SH3PXD2A: variants seen among roughly 807,000 people sequenced by gnomAD.
SH3PXD2A encodes SH3 and PX domain-containing protein 2A.
SH3PXD2A carries 32 observed loss-of-function variants against 115.2 expected under a neutral mutation model. The observed-to-expected ratio is 0.28, with a 90% CI of 0.21 to 0.37. SH3PXD2A has a LOEUF of 0.37. Ranked by LOEUF, SH3PXD2A falls within the 10% of genes least tolerant of loss-of-function variation. SH3PXD2A has a pLI of 1.00. For missense variants in SH3PXD2A, 1,328 were observed against 1,498.7 expected, an observed-to-expected ratio of 0.89 and a Z score of 1.88; for synonymous variants, 610 against 629.1, an observed-to-expected ratio of 0.97 and a Z score of 0.45.
At chr10:103,694,373 C>G (rs1343668291) in intron 5 of SH3PXD2A, among the ~76,000 whole-genome samples, 1 of 152,138 alleles carries the variant, frequency 6.6e-6, no homozygotes, top group Non-Finnish European at 1.5e-5. Flanking sequence ...CATGGAGGCT[C>G]CCCAAGATTC....
At chr10:103,819,783 G>A (rs149995222) in intron 1 of SH3PXD2A, among the ~76,000 whole-genome samples, 1 of 152,174 alleles carries the variant, frequency 6.6e-6, no homozygotes, top group Non-Finnish European at 1.5e-5. Context: ...GATGAAGCAG[G>A]CTTGGCAATG....
At chr10:103,651,966 C>T (rs551532731) in intron 8 of SH3PXD2A, among the ~76,000 whole-genome samples, 11 of 152,338 alleles carry the variant, frequency 7.2e-5, no homozygotes, top group African/African-American at 2.4e-4. Context: ...GATCTGCTAT[C>T]GCACACCAGT....
chr10:103,645,234 G>T (rs543467317), intron 8 of SH3PXD2A, among the ~76,000 whole-genome samples: 1 of 152,208 alleles, frequency 6.6e-6, no homozygotes, highest in Admixed American at 6.5e-5. Context: ...CTGAAGCCCA[G>T]CTCCTGGGGC....
In SH3PXD2A at chr10:103,625,149, G is replaced by A. The variant is rs147855171; in HGVS notation, c.718+1940C>T. Among the ~76,000 whole-genome samples the A allele has an allele frequency of 8.7e-4, 132 of 152,250 alleles. 1 individual carries two copies. The highest frequency in any genetic ancestry group is 3.0e-3 in the African/African-American group (126 of 41,522). On this transcript the variant is annotated intron_variant, in intron 9 of 14. Transcript: ENST00000369774. ...CAACCCACTACTACTTGTTCTGTGC[G>A]CAAAGCACCTGCCTTCTGTTCCAAC...
Position 103,602,582 on chromosome 10 carries a change from T to C in SH3PXD2A, c.2636A>G (p.Tyr879Cys). The C allele has an allele frequency of 6.2e-7, 1 of 1,614,140 alleles. No individual in the cohort carries two copies. The highest frequency in any genetic ancestry group is 8.5e-7 in the Non-Finnish European group (1 of 1,180,024). Residue 879 changes from tyrosine (Y) to cysteine (C), a missense_variant, in exon 15 of 15, where the codon TAT becomes TGT. By Grantham distance (194) the Tyr-to-Cys change is radical. This residue lies in a region of SH3PXD2A where 574 missense variants were observed against 565.7 expected (regional missense o/e 1.01). Transcript: ENST00000369774. ...GCCCTCCAGCTCCCCAAACCTCACATACCACCACCCGCTCTCCTGCTTCTC... is the reference window on the plus strand; with the variant it reads ...GCCCTCCAGCTCCCCAAACCTCACACACCACCACCCGCTCTCCTGCTTCTC... ...VLEKQESGWW[Y>C]VRFGELEGWA...
chr10:103,643,444 T>TGCTA (rs2036984811), intron 8 of SH3PXD2A, among the ~76,000 whole-genome samples: 1 of 152,234 alleles, frequency 6.6e-6, no homozygotes, highest in South Asian at 2.1e-4. Flanking sequence ...CATTTTCCTA[T>TGCTA]GCTACAGTGG....
chr10:103,725,028 T>C (rs1182543566), intron 4 of SH3PXD2A, among the ~76,000 whole-genome samples: 1 of 152,214 alleles, frequency 6.6e-6, no homozygotes, highest in Non-Finnish European at 1.5e-5. Flanking sequence ...CATGACAAGT[T>C]GATAATTGCT....
At chr10:103,838,714 C>T (rs1238315282) in intron 1 of SH3PXD2A, among the ~76,000 whole-genome samples, 2 of 152,180 alleles carry the variant, frequency 1.3e-5, no homozygotes, top group South Asian at 2.1e-4. Context: ...TGTAACAGCT[C>T]GGTCCTAAGT....
At chr10:103,613,353 A>G (rs1884932) in intron 11 of SH3PXD2A, among the ~76,000 whole-genome samples, 163 bp from the exon 12 acceptor site, 136,907 of 152,304 alleles carry the variant, frequency 0.9, 61,824 homozygotes, top group East Asian at 1. Flanking sequence ...CCGAGGGTAG[A>G]TGGAAAAGAC....
chr10:103,708,776 C>A (rs1351989041), intron 5 of SH3PXD2A, among the ~76,000 whole-genome samples: 3 of 152,154 alleles, frequency 2.0e-5, no homozygotes, highest in Non-Finnish European at 4.4e-5. Flanking sequence ...TTGGGCAGCA[C>A]AAAGTGTCCC....
intron 3 of SH3PXD2A, among the ~76,000 whole-genome samples, chr10:103,748,549 G>A (rs1270443849): frequency 6.6e-6 from 1 of 152,240 alleles, no homozygotes; most frequent in African/African-American, 2.4e-5. Flanking sequence ...AAAGGATACT[G>A]TGTATGGGCA....
intron 1 of SH3PXD2A, among the ~76,000 whole-genome samples, chr10:103,837,482 T>G (rs932056345): frequency 1.3e-4 from 19 of 151,992 alleles, no homozygotes; most frequent in African/African-American, 4.6e-4. Context: ...CCCCCTACCT[T>G]CCCCAAGTCT....
chr10:103,663,625 C>T (rs1028079622), intron 7 of SH3PXD2A, among the ~76,000 whole-genome samples: 2 of 152,234 alleles, frequency 1.3e-5, no homozygotes, highest in African/African-American at 2.4e-5. Flanking sequence ...TTTGGACATC[C>T]CCCCTGTGTC....
At chr10:103,710,479 C>T (rs1328033931) in intron 5 of SH3PXD2A, among the ~76,000 whole-genome samples, 1 of 152,162 alleles carries the variant, frequency 6.6e-6, no homozygotes, top group African/African-American at 2.4e-5. Flanking sequence ...CTCATAGTAA[C>T]CCTATGCTGC....
In SH3PXD2A at chr10:103,617,248, C is replaced by T. The variant is rs767433126; in HGVS notation, c.869G>A (p.Gly290Asp). ...CTTCCGGATCACCTCCACTGTGACGCCCTTCTCAAAGCCAATCTCGTCCTT... is the reference window on the plus strand; with the variant it reads ...CTTCCGGATCACCTCCACTGTGACGTCCTTCTCAAAGCCAATCTCGTCCTT... ...QSKDEIGFEK[G>D]VTVEVIRKNL... The change falls in exon 11 of 15, where the codon GGC becomes GAC. Residue 290 changes from glycine to aspartate, a missense_variant. This residue lies in a region of SH3PXD2A where 509 missense variants were observed against 628.3 expected (regional missense o/e 0.81). Coordinates refer to ENST00000369774, the MANE Select transcript of SH3PXD2A (RefSeq NM_001394015.1). 1.3e-5 allele frequency: 21 copies of T among 1,614,070 alleles called. No homozygotes were observed. In the Admixed American group the frequency reaches 2.5e-4, roughly 19 times the overall value.
At chr10:103,672,775 C>T (rs1264832510) in intron 6 of SH3PXD2A, among the ~76,000 whole-genome samples, 1 of 152,152 alleles carries the variant, frequency 6.6e-6, no homozygotes, top group African/African-American at 2.4e-5. Context: ...GGCCTCTGGA[C>T]ACAAAGAGGA....
intron 1 of SH3PXD2A, among the ~76,000 whole-genome samples, chr10:103,842,859 C>A (rs1285109960): frequency 6.6e-6 from 1 of 152,166 alleles, no homozygotes. Flanking sequence ...CTGAATGAAA[C>A]AATGAATGAA....
At position 103,668,460 on chromosome 10, in the gene SH3PXD2A, G is replaced by A. The variant is rs911341265; in HGVS notation, c.472+148C>T. 2.9e-5 allele frequency: 20 copies of A among 697,608 alleles called. No homozygotes were observed. In the Admixed American group the frequency reaches 4.4e-4, roughly 15 times the overall value. The allele number at this position is 697,608 out of a possible 1,614,324, so 43.2% of individuals were successfully genotyped here. A position where few individuals can be genotyped will look rare whatever the true frequency, so the allele number is the denominator to read the frequency against. ...TCAGATCTGACTGGGGAGGCAGAGG[G>A]CACAGCAAGTGGCAGACCCCCTGCC... On this transcript the variant is annotated intron_variant, in intron 7 of 14. Coordinates refer to ENST00000369774, the MANE Select transcript of SH3PXD2A (RefSeq NM_001394015.1).
rs199842369 is a variant in SH3PXD2A at position 103,728,889 on chromosome 10, G to GTTTTTT, written c.307-4529_307-4528insAAAAAA. Among the ~76,000 whole-genome samples, 127 of 142,836 alleles carry GTTTTTT rather than the reference G, an allele frequency of 8.9e-4. 1 individual carries two copies. The highest frequency in any genetic ancestry group is 3.4e-3 in the African/African-American group (126 of 37,388). 93.7% of individuals were successfully genotyped at this position (142,836 alleles called of 152,430 possible). ...TAGCAAAGAGTTGTTTTTTTTGTTT[G>GTTTTTT]TTTGTTTGTTTTTTTTTTTTTGAGA... is the stretch of plus-strand genomic sequence containing the variant. On this transcript the variant is annotated intron_variant, in intron 4 of 14. Coordinates refer to ENST00000369774, the MANE Select transcript of SH3PXD2A (RefSeq NM_001394015.1).
Sources: allele counts gnomAD v4.1 joint callset (sites outside exome capture counted in the v4.1 genomes callset), GRCh38; gene constraint gnomAD v4.1.1; regional missense constraint gnomAD v4.1.1; transcripts MANE v1.5; gene names NCBI Gene and HGNC (gene_info 2026-07-23, HGNC 2026-07-21).